LINGO2: variants seen among roughly 807,000 people sequenced by gnomAD.
LINGO2 encodes leucine-rich repeat and immunoglobulin-like domain-containing nogo receptor-interacting protein 2.
LINGO2 carries 14 observed loss-of-function variants against 30.6 expected under a neutral mutation model. That is an observed-to-expected ratio of 0.46 (90% CI 0.30 to 0.72). The LOEUF is 0.72. Ranked by LOEUF, LINGO2 falls within the 30% of genes least tolerant of loss-of-function variation. LINGO2 has a pLI of 0.07. For synonymous variants in LINGO2, 317 were observed against 288.5 expected, an observed-to-expected ratio of 1.10 and a Z score of -1.00; for missense variants, 729 against 751.7, an observed-to-expected ratio of 0.97 and a Z score of 0.35.
At chr9:28,001,136 C>A (rs1014839685) in intron 5 of LINGO2, among the ~76,000 whole-genome samples, 4 of 152,060 alleles carry the variant, frequency 2.6e-5, no homozygotes, top group African/African-American at 9.7e-5. Context: ...AGTTTCCAAA[C>A]AAATTTTTTT....
chr9:28,239,974 C>A (rs4427254), intron 4 of LINGO2, among the ~76,000 whole-genome samples: 1 of 151,886 alleles, frequency 6.6e-6, no homozygotes, highest in Non-Finnish European at 1.5e-5. Flanking sequence ...ATTAGCAGCA[C>A]TTCTGTATGC....
chr9:28,032,420 AACATT>A (rs1563928220), intron 4 of LINGO2, among the ~76,000 whole-genome samples: 4 of 152,260 alleles, frequency 2.6e-5, no homozygotes. Context: ...TGTCTTTGTC[AACATT>A]ACATATGATT....
chr9:28,288,853 C>T (rs2134159345), intron 4 of LINGO2, among the ~76,000 whole-genome samples: 1 of 152,212 alleles, frequency 6.6e-6, no homozygotes, highest in East Asian at 1.9e-4. Flanking sequence ...TACACAGGTG[C>T]TATTTAAGTA....
chr9:29,099,693 C>A, the LINGO2 span, among the ~76,000 whole-genome samples: 1 of 152,086 alleles, frequency 6.6e-6, no homozygotes, highest in East Asian at 1.9e-4. Flanking sequence ...TATCATTTCA[C>A]CCAGTTAATA....
the LINGO2 span, among the ~76,000 whole-genome samples, chr9:28,741,062 C>G: frequency 2.0e-5 from 3 of 151,936 alleles, no homozygotes; most frequent in South Asian, 6.2e-4. Flanking sequence ...CTAGTCTTAT[C>G]TGCATGCAGC....
chr9:27,948,645 C>T (rs1823463177), exon 6 of LINGO2: 1 of 589,012 alleles, frequency 1.7e-6, no homozygotes, highest in South Asian at 2.5e-5. Flanking sequence ...ACTTAGTATC[C>T]CACTGTGTGA....
intron 2 of LINGO2, among the ~76,000 whole-genome samples, chr9:28,418,458 T>C: frequency 6.6e-6 from 1 of 151,944 alleles, no homozygotes; most frequent in African/African-American, 2.4e-5. Flanking sequence ...TTTGCATTTT[T>C]AGCAGAGATG....
the LINGO2 span, among the ~76,000 whole-genome samples, chr9:28,956,592 T>G: frequency 4.6e-5 from 1 of 21,944 alleles, no homozygotes; most frequent in Non-Finnish European, 1.3e-4. Context: ...CCCTCCCCCT[T>G]TCCTTCCTCC....
the LINGO2 span, among the ~76,000 whole-genome samples, chr9:28,828,629 C>T: frequency 6.6e-6 from 1 of 151,578 alleles, no homozygotes; most frequent in African/African-American, 2.4e-5. Context: ...CACATTCCTA[C>T]CAGACTCTGG....
intron 3 of LINGO2, among the ~76,000 whole-genome samples, chr9:28,366,592 T>C (rs1929821): frequency 1.1e-3 from 164 of 152,074 alleles, no homozygotes; most frequent in African/African-American, 3.8e-3. Context: ...TCATGTTAGA[T>C]ATTAAGGTAG....
chr9:28,442,423 A>G (rs1269700101), intron 2 of LINGO2, among the ~76,000 whole-genome samples: 2 of 152,110 alleles, frequency 1.3e-5, no homozygotes, highest in Non-Finnish European at 2.9e-5. Flanking sequence ...ATATATCAAA[A>G]CATCACACTG....
At chr9:28,224,503 T>C (rs1048652524) in intron 4 of LINGO2, among the ~76,000 whole-genome samples, 1 of 152,200 alleles carries the variant, frequency 6.6e-6, no homozygotes, top group African/African-American at 2.4e-5. Flanking sequence ...CTTTTCTTTA[T>C]GTGGGAATAT....
chr9:28,390,359 G>A (rs1821775218), intron 2 of LINGO2, among the ~76,000 whole-genome samples: 1 of 152,082 alleles, frequency 6.6e-6, no homozygotes, highest in African/African-American at 2.4e-5. Context: ...TCACATCTAT[G>A]CATAATGGAT....
At chr9:28,782,629 A>G in the LINGO2 span, among the ~76,000 whole-genome samples, 1 of 152,210 alleles carries the variant, frequency 6.6e-6, no homozygotes, top group Non-Finnish European at 1.5e-5. Context: ...CTGGTAAACA[A>G]AAGTAAAAGT....
At chr9:29,140,874 T>G in the LINGO2 span, among the ~76,000 whole-genome samples, 1 of 151,908 alleles carries the variant, frequency 6.6e-6, no homozygotes, top group Non-Finnish European at 1.5e-5. Context: ...AAATGATACA[T>G]TCAAAGTACT....
the LINGO2 span, among the ~76,000 whole-genome samples, chr9:28,701,070 AT>A: frequency 8.0e-5 from 12 of 149,294 alleles, no homozygotes; most frequent in African/African-American, 3.0e-4. Context: ...TTTATCAGCT[AT>A]TTTTTTTCAA....
the LINGO2 span, among the ~76,000 whole-genome samples, chr9:28,786,194 G>C: frequency 6.6e-6 from 1 of 152,038 alleles, no homozygotes; most frequent in Non-Finnish European, 1.5e-5. Context: ...TTTTCTATCA[G>C]AGAAGTTACT....
chr9:28,240,829 A>C (rs1821757300), intron 4 of LINGO2, among the ~76,000 whole-genome samples: 1 of 152,190 alleles, frequency 6.6e-6, no homozygotes, highest in Non-Finnish European at 1.5e-5. Flanking sequence ...AGTTTATAAA[A>C]ACTTAAGTTT....
chr9:28,578,428 G>T (rs747137308), intron 1 of LINGO2, among the ~76,000 whole-genome samples: 1 of 151,918 alleles, frequency 6.6e-6, no homozygotes, highest in East Asian at 1.9e-4. Context: ...CAGACTATGC[G>T]CATTGTGCAA....
Sources: allele counts gnomAD v4.1 joint callset (sites outside exome capture counted in the v4.1 genomes callset), GRCh38; gene constraint gnomAD v4.1.1; transcripts MANE v1.5; gene names NCBI Gene and HGNC (gene_info 2026-07-23, HGNC 2026-07-21).